The following FBXL17 variants were observed in gnomAD, a reference collection of about 807,000 sequenced individuals.
FBXL17 encodes F-box and leucine rich repeat protein 17.
Under a neutral mutation model 66.2 loss-of-function variants are expected in FBXL17, and 22 were observed. The observed-to-expected ratio is 0.33, with a 90% CI of 0.24 to 0.47. The LOEUF is 0.47. FBXL17 is among the 20% of genes least tolerant of loss of function. FBXL17 has a pLI of 1.00. For synonymous variants in FBXL17, 474 were observed against 400.5 expected (o/e 1.18, Z -2.19); for missense variants, 878 against 948.2 (o/e 0.93, Z 0.97).
chr5:108,209,488 A>G (rs1239669605), intron 5 of FBXL17, among the ~76,000 whole-genome samples: 1 of 152,146 alleles, frequency 6.6e-6, no homozygotes, highest in Non-Finnish European at 1.5e-5. Flanking sequence ...TGTTCCATCG[A>G]TACCTAGTTT....
chr5:107,881,161 C>T lies in FBXL17; in HGVS notation c.1841G>A (p.Arg614Gln), dbSNP rs746919086. 1.8e-5 allele frequency: 29 copies of T among 1,608,350 alleles called. No homozygotes were observed. Among genetic ancestry groups the T allele is most frequent in the Non-Finnish European group, 2.1e-5 (25 of 1,176,462 alleles). Residue 614 changes from arginine (R) to glutamine (Q), a missense_variant, in exon 8 of 9, where the codon CGA becomes CAA. Coordinates refer to ENST00000542267, the MANE Select transcript of FBXL17 (RefSeq NM_001163315.3). ...ITDYALIAIG[R>Q]YSMTIETVDV... ...CACAGTCTCTATTGTCATGCTGTAT[C>T]GCCCAATGGCTATCAGTGCTGCAAG...
intron 6 of FBXL17, among the ~76,000 whole-genome samples, chr5:108,055,199 A>G (rs2112831593): frequency 6.8e-6 from 1 of 146,196 alleles, no homozygotes; most frequent in South Asian, 2.2e-4. Flanking sequence ...CTACAGTATT[A>G]TTACCAGATG....
intron 4 of FBXL17, among the ~76,000 whole-genome samples, chr5:108,270,410 A>C (rs1757218121): frequency 1.3e-5 from 2 of 149,212 alleles, no homozygotes; most frequent in South Asian, 4.2e-4. Flanking sequence ...ATTTATAACT[A>C]TATGAATCAT....
chr5:108,131,343 A>G (rs546603540), intron 6 of FBXL17, among the ~76,000 whole-genome samples: 2 of 152,266 alleles, frequency 1.3e-5, no homozygotes, highest in Admixed American at 1.3e-4. Flanking sequence ...AAAATTTGCA[A>G]CCAGCCCAAG....
intron 4 of FBXL17, among the ~76,000 whole-genome samples, chr5:108,248,971 G>C (rs1247624216): frequency 6.6e-6 from 1 of 152,008 alleles, no homozygotes; most frequent in African/African-American, 2.4e-5. Context: ...ATTAAAGAAG[G>C]AATCTTGAAA....
chr5:107,925,568 C>A (rs1750499314), intron 7 of FBXL17, among the ~76,000 whole-genome samples: 1 of 152,220 alleles, frequency 6.6e-6, no homozygotes, highest in Non-Finnish European at 1.5e-5. Context: ...AGAGCAGCCC[C>A]TGGCCAATGA....
chr5:108,185,177 C>T (rs551301861), intron 6 of FBXL17, among the ~76,000 whole-genome samples: 1 of 152,034 alleles, frequency 6.6e-6, no homozygotes, highest in African/African-American at 2.4e-5. Flanking sequence ...AAACAAATTA[C>T]ATATATATAT....
At chr5:108,299,631 C>CA (rs1389303239) in intron 4 of FBXL17, 14 of 965,554 alleles carry the variant, frequency 1.4e-5, no homozygotes, top group Non-Finnish European at 1.7e-5. Context: ...CTTCAAAATG[C>CA]AAAAAATAAT....
chr5:108,177,930 T>TATATATATATAC lies in FBXL17; in HGVS notation c.1745+8186_1745+8187insGTATATATATAT, dbSNP rs1554072228. 2.4e-5 allele frequency among the ~76,000 whole-genome samples: 3 copies of TATATATATATAC among 124,926 alleles called. 1 individual carries two copies. The highest frequency in any genetic ancestry group is 3.6e-5 in the Non-Finnish European group (2 of 55,070). 82.0% of individuals were successfully genotyped at this position (124,926 alleles called of 152,430 possible). A position where few individuals can be genotyped will look rare whatever the true frequency, so the allele number is the denominator to read the frequency against. Reference sequence around the variant, plus strand: ...AAAAATGTATATATATATATATATATATACACACACACACTATTACCTCAC... The same window carrying TATATATATATAC: ...AAAAATGTATATATATATATATATATATATATATATACATACACACACACACTATTACCTCAC... On this transcript the variant is annotated intron_variant, in intron 6 of 8. Transcript: ENST00000542267.
At chr5:108,176,316 T>C (rs1034311853) in intron 6 of FBXL17, among the ~76,000 whole-genome samples, 8 of 152,182 alleles carry the variant, frequency 5.3e-5, no homozygotes, top group African/African-American at 1.9e-4. Flanking sequence ...TACCTCTGTT[T>C]ACTCATCTTT....
intron 7 of FBXL17, among the ~76,000 whole-genome samples, chr5:107,973,972 C>A (rs1752486134): frequency 6.6e-6 from 1 of 152,000 alleles, no homozygotes; most frequent in Non-Finnish European, 1.5e-5. Flanking sequence ...CAATTCCATC[C>A]GTTGCTTTCC....
intron 5 of FBXL17, among the ~76,000 whole-genome samples, chr5:108,199,164 G>A (rs370213044): frequency 6.6e-6 from 1 of 151,992 alleles, no homozygotes; most frequent in Non-Finnish European, 1.5e-5. Flanking sequence ...CCTTAATATT[G>A]CATACTTTGG....
chr5:107,971,048 A>G (rs73204755), intron 7 of FBXL17, among the ~76,000 whole-genome samples: 24 of 152,362 alleles, frequency 1.6e-4, no homozygotes, highest in African/African-American at 5.0e-4. Context: ...CAGTTCTTCT[A>G]TAAAACATGT....
rs1029314364 is a variant in FBXL17 at position 107,877,239 on chromosome 5, G to A, written c.1965+3798C>T. Reference sequence around the variant, plus strand: ...CCTGGGGAATGCTGCATTGTTGCACGACTGGAGGACTCCTCCCCAGGAATC... The same window carrying A: ...CCTGGGGAATGCTGCATTGTTGCACAACTGGAGGACTCCTCCCCAGGAATC... On this transcript the variant is annotated intron_variant, in intron 8 of 8. Coordinates refer to ENST00000542267, the MANE Select transcript of FBXL17 (RefSeq NM_001163315.3). 3.3e-5 allele frequency among the ~76,000 whole-genome samples: 5 copies of A among 152,234 alleles called. No individual in the cohort carries two copies. The East Asian group carries it at 5.8e-4, about 18-fold the overall frequency.
chr5:108,359,129 C>T (rs1395228463), intron 3 of FBXL17, among the ~76,000 whole-genome samples: 1 of 152,076 alleles, frequency 6.6e-6, no homozygotes, highest in Middle Eastern at 3.2e-3. Flanking sequence ...TCATACAATC[C>T]TTTTTAATTT....
rs761282581 is a variant in FBXL17 at position 108,381,556 on chromosome 5, C to T, written c.136G>A (p.Ala46Thr). 5.1e-5 allele frequency: 73 copies of T among 1,431,478 alleles called. No homozygotes were observed. The Middle Eastern group carries it at 1.9e-3, about 37-fold the overall frequency. 88.7% of individuals were successfully genotyped at this position (1,431,478 alleles called of 1,614,324 possible). ...RTPAKVPPQP[A>T]APRSRDCFFR... ...AAGCAGTCCCGGCTCCGGGGCGCCG[C>T]CGGCTGAGGGGGCACCTTGGCTGGG... The change falls in exon 1 of 9, where the codon GCG becomes ACG. Residue 46 changes from alanine to threonine, a missense_variant. Coordinates refer to ENST00000542267, the MANE Select transcript of FBXL17 (RefSeq NM_001163315.3).
intron 8 of FBXL17, among the ~76,000 whole-genome samples, chr5:107,863,967 T>A (rs1290054019): frequency 6.6e-6 from 1 of 152,226 alleles, no homozygotes; most frequent in East Asian, 1.9e-4. Flanking sequence ...CACTTGCCTA[T>A]CTCTTCCACC....
intron 6 of FBXL17, among the ~76,000 whole-genome samples, chr5:108,061,946 G>A (rs942460593): frequency 2.6e-5 from 4 of 151,522 alleles, no homozygotes; most frequent in Admixed American, 1.3e-4. Flanking sequence ...ATGAAAGCCC[G>A]CATACATAAG....
intron 6 of FBXL17, among the ~76,000 whole-genome samples, chr5:108,029,015 C>A (rs757925766): frequency 6.6e-6 from 1 of 152,094 alleles, no homozygotes; most frequent in Non-Finnish European, 1.5e-5. Flanking sequence ...GAAAGCAGGT[C>A]AACATCTTCA....
Sources: allele counts gnomAD v4.1 joint callset (sites outside exome capture counted in the v4.1 genomes callset), GRCh38; gene constraint gnomAD v4.1.1; transcripts MANE v1.5; gene names NCBI Gene and HGNC (gene_info 2026-07-23, HGNC 2026-07-21).